Variants in LPAR6 observed in about 807,000 individuals in gnomAD.
LPAR6 encodes lysophosphatidic acid receptor 6.
LPAR6 carries 17 observed loss-of-function variants against 22.0 expected under a neutral mutation model. That is an observed-to-expected ratio of 0.77 (90% CI 0.53 to 1.16). LPAR6 has a LOEUF of 1.16. Among genes scored for constraint, LPAR6 ranks in the 50% most tolerant of loss-of-function variants. The pLI is 0.00. For synonymous variants in LPAR6, 136 were observed against 139.8 expected (o/e 0.97, Z 0.19); for missense variants, 384 against 406.9 (o/e 0.94, Z 0.48).
Position 48,396,299 on chromosome 13 carries a change from A to G in LPAR6, n.115-6487T>C, listed in dbSNP as rs543062441. On this transcript the variant is annotated intron_variant and non_coding_transcript_variant, in intron 1 of 1. Coordinates refer to the LPAR6 transcript ENST00000462781. Reference sequence around the variant, plus strand: ...GCATGGTACTGGTACCAAAAAAGATAAATAAACCAACGGAACAGAACAGAG... The same window carrying G: ...GCATGGTACTGGTACCAAAAAAGATGAATAAACCAACGGAACAGAACAGAG... 2.6e-5 allele frequency among the ~76,000 whole-genome samples: 4 copies of G among 152,266 alleles called. No individual in the cohort carries two copies. In the South Asian group the frequency reaches 6.2e-4, roughly 24 times the overall value.
In LPAR6 at chr13:48,411,412, A is replaced by G. The variant is rs1948797635; in HGVS notation, c.1012T>C (p.Phe338Leu). 1 of 1,612,260 alleles carries G rather than the reference A, an allele frequency of 6.2e-7. No homozygotes were observed. The highest frequency in any genetic ancestry group is 8.5e-7 in the Non-Finnish European group (1 of 1,179,614). Reference sequence around the variant, plus strand: ...TTTCAGGCAGCAGATTCATTGTCAAATATCTTACTTTTTAAGGTCTGTAGG... The same window carrying G: ...TTTCAGGCAGCAGATTCATTGTCAAGTATCTTACTTTTTAAGGTCTGTAGG... ...HNLQTLKSKIFDNESAA is the reference protein window; with the variant it reads ...HNLQTLKSKILDNESAA Residue 338 changes from phenylalanine to leucine, a missense_variant, in exon 1 of 1, where the codon TTT (phenylalanine) becomes CTT (leucine). Phe to Leu is a conservative substitution (Grantham distance 22). Coordinates refer to ENST00000620633, the MANE Select transcript of LPAR6 (RefSeq NM_001162498.3).
chr13:48,406,367 C>T (rs1431857694), downstream of LPAR6, among the ~76,000 whole-genome samples: 3 of 151,884 alleles, frequency 2.0e-5, no homozygotes, highest in African/African-American at 7.3e-5. Context: ...TCTATTATCA[C>T]CATCATTTAA....
At chr13:48,393,802 T>G (rs1948628507) in intron 1 of LPAR6, among the ~76,000 whole-genome samples, 2 of 152,178 alleles carry the variant, frequency 1.3e-5, no homozygotes, top group Non-Finnish European at 1.5e-5. Context: ...ACATAAACAT[T>G]GAGTCTCCTT....
At chr13:48,421,883 G>A (rs902296196) in intron 2 of LPAR6, among the ~76,000 whole-genome samples, 17 of 152,192 alleles carry the variant, frequency 1.1e-4, no homozygotes, top group African/African-American at 1.7e-4. Context: ...TGCTGGAGAG[G>A]ATGTGGAGAA....
At chr13:48,403,414 A>C (rs1948711067) in intron 1 of LPAR6, among the ~76,000 whole-genome samples, 1 of 152,192 alleles carries the variant, frequency 6.6e-6, no homozygotes, top group African/African-American at 2.4e-5. Flanking sequence ...TGTGGAGGGA[A>C]GTGGAGGAGT....
chr13:48,441,385 C>A (rs1432019170), intron 1 of LPAR6, among the ~76,000 whole-genome samples: 2 of 152,164 alleles, frequency 1.3e-5, no homozygotes, highest in Non-Finnish European at 2.9e-5. Flanking sequence ...TTTTAAGGCA[C>A]TAGGGCAAGA....
chr13:48,420,625 T>C (rs1948990902), intron 2 of LPAR6, among the ~76,000 whole-genome samples: 1 of 152,210 alleles, frequency 6.6e-6, no homozygotes, highest in African/African-American at 2.4e-5. Flanking sequence ...AATGATTGTC[T>C]ATTTAGAAAA....
intron 1 of LPAR6, among the ~76,000 whole-genome samples, chr13:48,425,149 G>A (rs891498753): frequency 7.2e-5 from 11 of 152,132 alleles, no homozygotes; most frequent in Admixed American, 5.9e-4. Context: ...GAGAATCTAC[G>A]AATTTAGTAA....
intron 2 of LPAR6, among the ~76,000 whole-genome samples, chr13:48,420,568 A>G (rs997077690): frequency 6.6e-6 from 1 of 152,192 alleles, no homozygotes. Context: ...AATAAAGCGT[A>G]TTCAAGTAGG....
At position 48,436,072 on chromosome 13, in the gene LPAR6, G is replaced by A. The variant is rs190705370; in HGVS notation, c.-1474+8481C>T. On this transcript the variant is annotated intron_variant, in intron 1 of 6. Coordinates refer to the LPAR6 transcript ENST00000378434. The stretch of plus-strand genomic sequence containing the variant: ...GGATGAATGAAAAGATTAGGTCCTG[G>A]ATGGAACTGAGGTTAACTGAGGATA... Among the ~76,000 whole-genome samples, 127 of 152,298 alleles carry A rather than the reference G, an allele frequency of 8.3e-4. 1 individual carries two copies. Among genetic ancestry groups the A allele is most frequent in the Admixed American group, 3.9e-3 (59 of 15,294 alleles).
chr13:48,392,061 C>T (rs1249226195), intron 1 of LPAR6, among the ~76,000 whole-genome samples: 2 of 151,864 alleles, frequency 1.3e-5, no homozygotes, highest in African/African-American at 4.8e-5. Context: ...TTTGTTTTTT[C>T]TTTGAGTGCT....
chr13:48,436,366 A>G (rs198564), intron 1 of LPAR6, among the ~76,000 whole-genome samples: 119,057 of 152,160 alleles, frequency 0.78, 52,291 homozygotes, highest in Non-Finnish European at 0.97. Context: ...CATGAGGCCA[A>G]TTGCTGTGGC....
At chr13:48,418,853 A>G (rs1021808466) in intron 2 of LPAR6, among the ~76,000 whole-genome samples, 3 of 152,212 alleles carry the variant, frequency 2.0e-5, no homozygotes, top group Non-Finnish European at 4.4e-5. Context: ...CTAAGTATGT[A>G]TGCACCCAAT....
chr13:48,418,319 A>G (rs1270204264), intron 2 of LPAR6, among the ~76,000 whole-genome samples: 3 of 152,220 alleles, frequency 2.0e-5, no homozygotes, highest in African/African-American at 7.2e-5. Context: ...TCCTTCACAG[A>G]TAAGCAAATG....
At chr13:48,392,248 C>T (rs575653170) in intron 1 of LPAR6, among the ~76,000 whole-genome samples, 16 of 151,856 alleles carry the variant, frequency 1.1e-4, no homozygotes, top group African/African-American at 3.9e-4. Context: ...GTGACTGGGA[C>T]TAAAGGCACA....
Position 48,412,262 on chromosome 13 carries a change from A to C in LPAR6, c.162T>G (p.Thr54=). The C allele has an allele frequency of 6.2e-7, 1 of 1,614,150 alleles. No individual in the cohort carries two copies. ...CTGACATTGCCAAGTTAATCATGTA[A>C]GTTGTAGTTTCATTTCGGACTTTGA... ...CVLKVRNETT[T]YMINLAMSDL... is the part of the protein sequence containing the mutation. The change falls in exon 1 of 1, where the codon ACT becomes ACG. Residue 54 remains threonine, a synonymous_variant. Coordinates refer to ENST00000620633, the MANE Select transcript of LPAR6 (RefSeq NM_001162498.3).
intron 1 of LPAR6, among the ~76,000 whole-genome samples, chr13:48,424,782 G>A (rs1228941583): frequency 1.3e-5 from 2 of 152,280 alleles, no homozygotes; most frequent in Non-Finnish European, 1.5e-5. Context: ...GCCATGTGTG[G>A]TGGCTCATGC....
chr13:48,418,341 T>G (rs969039184), intron 2 of LPAR6, among the ~76,000 whole-genome samples: 3 of 152,164 alleles, frequency 2.0e-5, no homozygotes, highest in Non-Finnish European at 4.4e-5. Flanking sequence ...TGAGAGATTT[T>G]GTCACCACCA....
chr13:48,425,944 C>T (rs746269773), intron 1 of LPAR6, among the ~76,000 whole-genome samples: 1 of 152,142 alleles, frequency 6.6e-6, no homozygotes. Flanking sequence ...TGGAGAATGA[C>T]GAAGTCAAAA....
Sources: gnomAD v4.1 joint callset for allele counts (sites outside exome capture counted in the v4.1 genomes callset) on GRCh38, gnomAD v4.1.1 for gene constraint, MANE v1.5 for transcripts, NCBI Gene and HGNC (gene_info 2026-07-23, HGNC 2026-07-21) for gene names.